ZSCAN30: variants seen among roughly 807,000 people sequenced by gnomAD.
ZSCAN30 encodes zinc finger and SCAN domain containing 30.
ZSCAN30 carries 37 observed loss-of-function variants against 44.3 expected under a neutral mutation model. The observed-to-expected ratio is 0.84, with a 90% CI of 0.64 to 1.10. The LOEUF (loss-of-function observed/expected upper bound fraction) is 1.10, where lower values mean the gene tolerates loss of function less well. Ranked by LOEUF, ZSCAN30 falls within the 50% of genes least tolerant of loss-of-function variation. ZSCAN30 has a pLI of 0.00. For synonymous variants in ZSCAN30, 181 were observed against 204.6 expected (o/e 0.88, Z 0.98); for missense variants, 549 against 582.6 (o/e 0.94, Z 0.59).
chr18:35,260,282 T>G (rs958801163), intron 3 of ZSCAN30: 1 of 152,262 alleles, frequency 6.6e-6, no homozygotes, highest in African/African-American at 2.4e-5. Context: ...TTGAGTTGAA[T>G]CCATGTCTTT....
At chr18:35,271,901 C>G (rs1212033920) in intron 1 of ZSCAN30, among the ~76,000 whole-genome samples, 3 of 152,144 alleles carry the variant, frequency 2.0e-5, no homozygotes, top group Non-Finnish European at 4.4e-5. Flanking sequence ...TGCTAAGCCC[C>G]TTACTGCCTG....
At chr18:35,274,535 T>C (rs1243287450) in intron 1 of ZSCAN30, among the ~76,000 whole-genome samples, 1 of 152,232 alleles carries the variant, frequency 6.6e-6, no homozygotes, top group Non-Finnish European at 1.5e-5. Context: ...GTAGTTGATT[T>C]TGGGTATAAT....
At position 35,263,940 on chromosome 18, in the gene ZSCAN30, C is replaced by T. The variant is rs775722772; in HGVS notation, c.408+5G>A. 1 of 1,612,870 alleles carries T rather than the reference C, an allele frequency of 6.2e-7. No individual in the cohort carries two copies. The highest frequency in any genetic ancestry group is 2.2e-5 in the East Asian group (1 of 44,868). ...ATCAAACAAACAAAAATGTTTACTT[C>T]TTACCTGTTGCCTTGGCTCCTCCAG... On this transcript the variant is annotated splice_donor_5th_base_variant and intron_variant, in intron 2 of 3. Transcript: ENST00000333206.
chr18:35,256,575 G>C (rs2043827247), intron 3 of ZSCAN30, among the ~76,000 whole-genome samples: 1 of 151,866 alleles, frequency 6.6e-6, no homozygotes, highest in African/African-American at 2.4e-5. Flanking sequence ...ATTACAATAA[G>C]AAATGGTCAC....
chr18:35,288,593 T>C (rs575005270), intron 1 of ZSCAN30, among the ~76,000 whole-genome samples: 10 of 152,216 alleles, frequency 6.6e-5, no homozygotes, highest in Non-Finnish European at 1.3e-4. Context: ...AACTGTGGTA[T>C]ATACATACAA....
intron 2 of ZSCAN30, 103 bp downstream of exon 2, chr18:35,263,842 A>G (rs1212929613): frequency 1.4e-6 from 2 of 1,468,764 alleles, no homozygotes; most frequent in East Asian, 4.5e-5. Context: ...CAAAAGAAAG[A>G]AACTGTATAA....
rs1321513082 is a variant in ZSCAN30, at chr18:35,252,553, C to A, written c.*897G>T. 6.6e-6 allele frequency: 1 copy of A among 152,178 alleles called. No individual in the cohort carries two copies. The highest frequency in any genetic ancestry group is 2.4e-5 in the African/African-American group (1 of 41,428). The allele number at this position is 152,178 out of a possible 1,614,324, so 9.4% of individuals were successfully genotyped here. On this transcript the variant is annotated 3_prime_UTR_variant, in exon 4 of 4. Coordinates refer to ENST00000333206, the MANE Select transcript of ZSCAN30 (RefSeq NM_001112734.4). ...GACAATTTCTGCAGTAGAGAAGAGT[C>A]TTCATGGAGTGTCTCCAGATCCTGT...
At chr18:35,255,839 T>A (rs2043790562) in intron 3 of ZSCAN30, 1 of 154,376 alleles carries the variant, frequency 6.5e-6, no homozygotes, top group African/African-American at 2.4e-5. Context: ...ATTCATTGTT[T>A]CATTCAAAAA....
At chr18:35,263,889 A>T in intron 2 of ZSCAN30, 56 bp downstream of exon 2, 2 of 1,558,960 alleles carry the variant, frequency 1.3e-6, no homozygotes, top group Non-Finnish European at 1.7e-6. Flanking sequence ...AGTCATAATT[A>T]TGGCTTCCCC....
At chr18:35,266,856 CAG>C (rs1484650665) in intron 1 of ZSCAN30, 3 of 151,906 alleles carry the variant, frequency 2.0e-5, no homozygotes, top group Non-Finnish European at 2.9e-5. Context: ...TTAGTACAGA[CAG>C]GGTTTCACTG....
Position 35,253,926 on chromosome 18 carries a change from C to T in ZSCAN30, c.1009G>A (p.Ala337Thr), listed in dbSNP as rs2043690030. Residue 337 changes from alanine (A) to threonine (T), a missense_variant, in exon 4 of 4, where the codon GCC becomes ACC. Physicochemically the swap from Ala to Thr is moderately conservative, Grantham distance 58. Coordinates refer to ENST00000333206, the MANE Select transcript of ZSCAN30 (RefSeq NM_001112734.4). ...ACAAGGTCTGAGCTCAAACTGAAGG[C>T]TTTGCCACATTCTTTACATGCATAA... Reference protein sequence around the residue: ...RPYACKECGKAFSLSSDLVRH... With the variant: ...RPYACKECGKTFSLSSDLVRH... 4 of 1,614,022 alleles carry T rather than the reference C, an allele frequency of 2.5e-6. No individual in the cohort carries two copies. The highest frequency in any genetic ancestry group is 3.4e-6 in the Non-Finnish European group (4 of 1,180,020).
chr18:35,264,288 A>G lies in ZSCAN30; in HGVS notation c.65T>C (p.Val22Ala), dbSNP rs1202675902. Reference sequence around the variant, plus strand: ...AACATAATTTTCTTCTTCAACCTTGACAACTAGAAGTCCTTCCTGTTCTTC... The same window carrying G: ...AACATAATTTTCTTCTTCAACCTTGGCAACTAGAAGTCCTTCCTGTTCTTC... ...APEEQEGLLV[V>A]KVEEENYVLD... Residue 22 changes from valine to alanine, a missense_variant, in exon 2 of 4, where the codon GTC (valine) becomes GCC (alanine). Val to Ala is a moderately conservative substitution (Grantham distance 64). Coordinates refer to ENST00000333206, the MANE Select transcript of ZSCAN30 (RefSeq NM_001112734.4). The G allele has an allele frequency of 6.2e-7, 1 of 1,614,168 alleles. No homozygotes were observed. The highest frequency in any genetic ancestry group is 8.5e-7 in the Non-Finnish European group (1 of 1,180,030).
intron 1 of ZSCAN30, among the ~76,000 whole-genome samples, chr18:35,277,091 G>A (rs976301454): frequency 1.3e-5 from 2 of 152,202 alleles, no homozygotes; most frequent in African/African-American, 4.8e-5. Flanking sequence ...TTTCAGACTT[G>A]CATGGGGCCT....
Position 35,263,819 on chromosome 18 carries a change from ATAAT to A in ZSCAN30, c.408+122_408+125del, listed in dbSNP as rs1466972442. 5.7e-6 allele frequency: 8 copies of A among 1,415,790 alleles called. No homozygotes were observed. The East Asian group carries it at 1.4e-4, about 24-fold the overall frequency. The allele number at this position is 1,415,790 out of a possible 1,614,324, so 87.7% of individuals were successfully genotyped here. ...CTAGTGACTTGAACCCAATGAGTGA[ATAAT>A]TAATAACCCAAAAGAAAGAAACTGT... On this transcript the variant is annotated intron_variant, in intron 2 of 3. Coordinates refer to ENST00000333206, the MANE Select transcript of ZSCAN30 (RefSeq NM_001112734.4).
At chr18:35,288,469 GA>G (rs1330253154) in intron 1 of ZSCAN30, among the ~76,000 whole-genome samples, 2 of 152,022 alleles carry the variant, frequency 1.3e-5, no homozygotes, top group East Asian at 1.9e-4. Context: ...GAGAGAGGGG[GA>G]AAAAAGCATA....
At chr18:35,272,529 C>T (rs56218350) in intron 1 of ZSCAN30, among the ~76,000 whole-genome samples, 9,662 of 150,548 alleles carry the variant, frequency 0.064, 583 homozygotes, top group East Asian at 0.24. Flanking sequence ...TTAGTAGACA[C>T]GGGGTTTCAC....
In ZSCAN30 at chr18:35,253,707, C is replaced by G. The variant is rs1429357508; in HGVS notation, c.1228G>C (p.Asp410His). Residue 410 changes from aspartate (D) to histidine (H), a missense_variant, in exon 4 of 4, where the codon GAT becomes CAT. Asp to His is a moderately conservative substitution (Grantham distance 81). Coordinates refer to ENST00000333206, the MANE Select transcript of ZSCAN30 (RefSeq NM_001112734.4). The stretch of plus-strand genomic sequence containing the variant: ...CATGCAATACATTCATAGCTTTTAT[C>G]TCCAGTGTGAATTTTCTTATGCTGA... The part of the protein sequence containing the change: ...LIQHKKIHTG[D>H]KSYECIACGK... The G allele has an allele frequency of 6.2e-7, 1 of 1,614,144 alleles. No individual in the cohort carries two copies.
rs370427547 is a variant in ZSCAN30, at chr18:35,275,026, CAT to C, written c.-103-10573_-103-10572del. On this transcript the variant is annotated intron_variant, in intron 1 of 3. Transcript: ENST00000333206. ...CTCTGAAGTCATAAATATACTTTCA[CAT>C]ATTTTCTTCTACAAATTTTACAAAA... Among the ~76,000 whole-genome samples, 371 of 152,250 alleles carry C rather than the reference CAT, an allele frequency of 2.4e-3. 3 individuals carry two copies. Among genetic ancestry groups the C allele is most frequent in the African/African-American group, 8.3e-3 (344 of 41,544 alleles).
At chr18:35,284,409 G>C (rs1281230625) in intron 1 of ZSCAN30, 1 of 154,000 alleles carries the variant, frequency 6.5e-6, no homozygotes, top group Admixed American at 6.5e-5. Context: ...TGGTGCCCAG[G>C]CTGTTCGTGG....
Sources: allele counts gnomAD v4.1 joint callset (sites outside exome capture counted in the v4.1 genomes callset), GRCh38; gene constraint gnomAD v4.1.1; transcripts MANE v1.5; gene names NCBI Gene and HGNC (gene_info 2026-07-23, HGNC 2026-07-21).